RASGRF2: variants seen among roughly 807,000 people sequenced by gnomAD.
The protein encoded by RASGRF2 is Ras protein specific guanine nucleotide releasing factor 2.
In RASGRF2, 76 loss-of-function variants were observed where a neutral mutation model predicts 151.0. The observed-to-expected ratio is 0.50, with a 90% confidence interval of 0.42 to 0.61. RASGRF2 has a LOEUF of 0.61. RASGRF2 is among the 20% of genes least tolerant of loss of function. RASGRF2 has a pLI of 0.00. For missense variants in RASGRF2, 1,148 were observed against 1,564.6 expected, an observed-to-expected ratio of 0.73 and a Z score of 4.49; for synonymous variants, 504 against 566.5, an observed-to-expected ratio of 0.89 and a Z score of 1.57.
At position 81,152,443 on chromosome 5, in the gene RASGRF2, A is replaced by G. The variant is rs1342768353; in HGVS notation, c.2686+25280A>G. 2.6e-5 allele frequency among the ~76,000 whole-genome samples: 4 copies of G among 152,254 alleles called. No homozygotes were observed. In the East Asian group the frequency reaches 5.8e-4, roughly 22 times the overall value. On this transcript the variant is annotated intron_variant, in intron 17 of 26. Coordinates refer to ENST00000265080, the MANE Select transcript of RASGRF2 (RefSeq NM_006909.3). ...TATGGTTTAATCCATCTAAGAAGAA[A>G]GAAGGATATACAAATTTAAGCTATC...
At chr5:81,172,179 A>T (rs1754672383) in intron 17 of RASGRF2, among the ~76,000 whole-genome samples, 1 of 152,178 alleles carries the variant, frequency 6.6e-6, no homozygotes. Flanking sequence ...TTATGGAATT[A>T]TGGGAATTAA....
chr5:81,016,542 G>A (rs1303475202), intron 1 of RASGRF2, among the ~76,000 whole-genome samples: 1 of 152,198 alleles, frequency 6.6e-6, no homozygotes, highest in African/African-American at 2.4e-5. Flanking sequence ...TTGGAAGCCA[G>A]ACTGAATGTG....
intron 1 of RASGRF2, among the ~76,000 whole-genome samples, chr5:80,994,243 G>A (rs1247963397): frequency 1.3e-5 from 2 of 151,848 alleles, no homozygotes; most frequent in Non-Finnish European, 1.5e-5. Context: ...GTAGGCGCCT[G>A]TAGTCCCAGC....
chr5:81,148,239 T>C (rs973195786), intron 17 of RASGRF2, among the ~76,000 whole-genome samples: 1 of 152,204 alleles, frequency 6.6e-6, no homozygotes, highest in Non-Finnish European at 1.5e-5. Flanking sequence ...ACTCCTAGTC[T>C]AGTGCTTTAG....
chr5:81,219,145 C>A (rs1364654870), intron 25 of RASGRF2, among the ~76,000 whole-genome samples: 1 of 150,222 alleles, frequency 6.7e-6, no homozygotes, highest in Non-Finnish European at 1.5e-5. Flanking sequence ...GTGACATGAT[C>A]TCGGCTCACT....
chr5:81,221,466 G>A (rs1338530676), intron 26 of RASGRF2, among the ~76,000 whole-genome samples: 1 of 152,138 alleles, frequency 6.6e-6, no homozygotes, highest in Non-Finnish European at 1.5e-5. Flanking sequence ...TGGCCATCGG[G>A]TGCTCTTTCA....
At chr5:81,184,516 G>A (rs1471217239) in intron 18 of RASGRF2, among the ~76,000 whole-genome samples, 3 of 152,136 alleles carry the variant, frequency 2.0e-5, no homozygotes, top group East Asian at 1.9e-4. Context: ...CCATTTATTC[G>A]AGGAATTTCA....
chr5:81,119,649 A>G (rs1396715570), intron 15 of RASGRF2, among the ~76,000 whole-genome samples: 1 of 152,248 alleles, frequency 6.6e-6, no homozygotes. Context: ...GAGTGGGATC[A>G]TGTGGACACA....
At chr5:81,052,702 A>G (rs1751051435) in intron 2 of RASGRF2, among the ~76,000 whole-genome samples, 2 of 152,196 alleles carry the variant, frequency 1.3e-5, no homozygotes, top group Non-Finnish European at 2.9e-5. Flanking sequence ...ACAGTATGTG[A>G]CAGTAATGCT....
chr5:81,113,393 TGTA>T, intron 14 of RASGRF2, 142 bp from the exon 15 acceptor site: 1 of 930,818 alleles, frequency 1.1e-6, no homozygotes, highest in Non-Finnish European at 1.6e-6. Flanking sequence ...AGGGTATACA[TGTA>T]GCATTTAGAT....
intron 1 of RASGRF2, among the ~76,000 whole-genome samples, chr5:80,999,036 C>T (rs973437288): frequency 6.6e-6 from 1 of 152,154 alleles, no homozygotes; most frequent in South Asian, 2.1e-4. Flanking sequence ...TGTACTATCT[C>T]TTTTTCTTTT....
At chr5:81,096,380 A>G (rs1021675668) in intron 12 of RASGRF2, 30 of 152,342 alleles carry the variant, frequency 2.0e-4, no homozygotes, top group African/African-American at 7.2e-4. Context: ...TTGAACATTT[A>G]TTGAGGAATC....
chr5:81,207,315 C>T lies in RASGRF2; in HGVS notation c.3037C>T (p.Leu1013=), dbSNP rs748372944. 13 of 1,614,036 alleles carry T rather than the reference C, an allele frequency of 8.1e-6. No individual in the cohort carries two copies. The South Asian group carries it at 1.3e-4, about 16-fold the overall frequency. Residue 1013 remains leucine (L), a synonymous_variant, in exon 21 of 27, where the codon CTG becomes TTG. Transcript: ENST00000265080. ...GGAGCTGGCAGAACAGATCACCCTCCTGGACCATGTCATTTTCAGAAGCAT... is the reference window on the plus strand; with the variant it reads ...GGAGCTGGCAGAACAGATCACCCTCTTGGACCATGTCATTTTCAGAAGCAT... ...AMELAEQITL[L]DHVIFRSIPY...
At chr5:81,106,331 T>C (rs1752845215) in intron 12 of RASGRF2, among the ~76,000 whole-genome samples, 1 of 152,150 alleles carries the variant, frequency 6.6e-6, no homozygotes, top group Admixed American at 6.5e-5. Flanking sequence ...GAGGTATGAA[T>C]CATTTCATTT....
chr5:81,206,534 T>C (rs1249290732), intron 19 of RASGRF2, among the ~76,000 whole-genome samples: 1 of 152,214 alleles, frequency 6.6e-6, no homozygotes, highest in Non-Finnish European at 1.5e-5. Context: ...TTTTACATTA[T>C]GGATGGTAAC....
chr5:81,170,516 T>A (rs1234960721), intron 17 of RASGRF2, among the ~76,000 whole-genome samples: 1 of 152,182 alleles, frequency 6.6e-6, no homozygotes, highest in African/African-American at 2.4e-5. Flanking sequence ...CTGGGCTGCT[T>A]CCCATCCCTC....
chr5:81,061,911 A>G (rs1415479666), intron 2 of RASGRF2, among the ~76,000 whole-genome samples: 1 of 146,370 alleles, frequency 6.8e-6, no homozygotes, highest in Non-Finnish European at 1.5e-5. Context: ...CTGGTCTCAA[A>G]CTCCTGAGCT....
At chr5:81,191,999 G>A (rs935998881) in intron 18 of RASGRF2, among the ~76,000 whole-genome samples, 1 of 152,020 alleles carries the variant, frequency 6.6e-6, no homozygotes, top group African/African-American at 2.4e-5. Context: ...CCTTCTCCCC[G>A]TAGCCTCCCA....
chr5:81,205,829 C>T (rs1324342885), intron 19 of RASGRF2, among the ~76,000 whole-genome samples: 1 of 152,174 alleles, frequency 6.6e-6, no homozygotes, highest in Admixed American at 6.5e-5. Flanking sequence ...CGGCTCACTG[C>T]AAGCTCTGCC....
Sources: gnomAD v4.1 joint callset for allele counts (sites outside exome capture counted in the v4.1 genomes callset) on GRCh38, gnomAD v4.1.1 for gene constraint, MANE v1.5 for transcripts, NCBI Gene and HGNC (gene_info 2026-07-23, HGNC 2026-07-21) for gene names.